Variants in ADAMTSL1 observed in about 807,000 individuals in gnomAD.
ADAMTSL1 encodes the protein ADAMTS-like protein 1.
ADAMTSL1 carries 126 observed loss-of-function variants against 201.8 expected under a neutral mutation model. The observed-to-expected ratio is 0.62, with a 90% CI of 0.54 to 0.72. ADAMTSL1 has a LOEUF of 0.72. Ranked by LOEUF, ADAMTSL1 falls within the 30% of genes least tolerant of loss-of-function variation. ADAMTSL1 has a pLI of 0.00. For synonymous variants in ADAMTSL1, 1,121 were observed against 903.4 expected (o/e 1.24, Z -4.32); for missense variants, 2,679 against 2,277.8 (o/e 1.18, Z -3.59).
intron 2 of ADAMTSL1, among the ~76,000 whole-genome samples, chr9:18,209,234 A>T (rs1829773264): frequency 6.7e-6 from 1 of 150,218 alleles, no homozygotes. Context: ...AAAAATGCAC[A>T]TAAAAATTAC....
chr9:18,459,705 C>T (rs531327408), intron 2 of ADAMTSL1, among the ~76,000 whole-genome samples: 1 of 152,244 alleles, frequency 6.6e-6, no homozygotes, highest in East Asian at 1.9e-4. Context: ...AAATCTCCAG[C>T]AGAACTAAGG....
At chr9:17,964,734 C>T (rs1817910205) in intron 1 of ADAMTSL1, among the ~76,000 whole-genome samples, 1 of 152,132 alleles carries the variant, frequency 6.6e-6, no homozygotes, top group Admixed American at 6.6e-5. Flanking sequence ...TGGGATTTCT[C>T]TGTGTTGCTT....
chr9:17,928,970 A>G (rs774337502), intron 1 of ADAMTSL1, among the ~76,000 whole-genome samples: 1 of 151,936 alleles, frequency 6.6e-6, no homozygotes, highest in Non-Finnish European at 1.5e-5. Flanking sequence ...TATGGACAAA[A>G]CAGTTATGTA....
chr9:18,634,219 A>G (rs1826956615), intron 5 of ADAMTSL1, among the ~76,000 whole-genome samples: 1 of 152,156 alleles, frequency 6.6e-6, no homozygotes, highest in Admixed American at 6.5e-5. Context: ...TATCTTATTT[A>G]ACCTAAATCC....
chr9:18,261,755 C>G (rs745437511), intron 2 of ADAMTSL1, among the ~76,000 whole-genome samples: 1 of 152,154 alleles, frequency 6.6e-6, no homozygotes, highest in Admixed American at 6.5e-5. Flanking sequence ...CTTGTATTTA[C>G]TAAAAGCAAG....
chr9:17,950,154 G>A (rs1827677979), intron 1 of ADAMTSL1, among the ~76,000 whole-genome samples: 1 of 152,056 alleles, frequency 6.6e-6, no homozygotes, highest in Non-Finnish European at 1.5e-5. Flanking sequence ...TGATCTGCCT[G>A]CCTCGGCCTC....
chr9:18,814,265 G>A (rs1823695974), intron 20 of ADAMTSL1, among the ~76,000 whole-genome samples: 1 of 152,144 alleles, frequency 6.6e-6, no homozygotes, highest in Admixed American at 6.5e-5. Context: ...TCTTTTTAAT[G>A]TGCTGTTGAA....
At chr9:17,942,130 A>C (rs904165803) in intron 1 of ADAMTSL1, among the ~76,000 whole-genome samples, 6 of 152,130 alleles carry the variant, frequency 3.9e-5, no homozygotes, top group Non-Finnish European at 8.8e-5. Flanking sequence ...CAGAAAGTAG[A>C]ATAGAAGTTA....
intron 1 of ADAMTSL1, among the ~76,000 whole-genome samples, chr9:17,932,861 C>G (rs1826853532): frequency 6.6e-6 from 1 of 152,106 alleles, no homozygotes; most frequent in Non-Finnish European, 1.5e-5. Flanking sequence ...CTAGATAGCT[C>G]CTCTTCTATC....
intron 2 of ADAMTSL1, among the ~76,000 whole-genome samples, chr9:18,230,971 A>G (rs1314446552): frequency 1.3e-5 from 2 of 152,138 alleles, no homozygotes; most frequent in Admixed American, 6.6e-5. Context: ...AGAGGACACC[A>G]TTTATCAATT....
At chr9:18,676,687 A>G (rs1434697051) in intron 10 of ADAMTSL1, among the ~76,000 whole-genome samples, 2 of 152,008 alleles carry the variant, frequency 1.3e-5, no homozygotes, top group Non-Finnish European at 2.9e-5. Context: ...CCTATGCTCT[A>G]TTTTCTTTGC....
At chr9:18,353,489 C>T (rs1472745632) in intron 2 of ADAMTSL1, among the ~76,000 whole-genome samples, 1 of 152,098 alleles carries the variant, frequency 6.6e-6, no homozygotes, top group Admixed American at 6.6e-5. Flanking sequence ...TTGGCATAAT[C>T]CATGAAAGCA....
At chr9:18,099,503 G>GT (rs1158573671) in intron 1 of ADAMTSL1, among the ~76,000 whole-genome samples, 3 of 148,682 alleles carry the variant, frequency 2.0e-5, no homozygotes, top group Non-Finnish European at 4.5e-5. Flanking sequence ...CAAATATAGT[G>GT]TTTTTTCTGT....
At chr9:18,095,010 C>T (rs1339930390) in intron 1 of ADAMTSL1, among the ~76,000 whole-genome samples, 1 of 152,200 alleles carries the variant, frequency 6.6e-6, no homozygotes, top group Non-Finnish European at 1.5e-5. Flanking sequence ...TGCCTTCTTC[C>T]TTCCTGTCCC....
chr9:18,328,048 T>C (rs1275258482), intron 2 of ADAMTSL1, among the ~76,000 whole-genome samples: 1 of 152,196 alleles, frequency 6.6e-6, no homozygotes, highest in Non-Finnish European at 1.5e-5. Context: ...AAGATTCAAA[T>C]AATGTTGTAG....
At chr9:18,261,279 T>G (rs942953879) in intron 2 of ADAMTSL1, among the ~76,000 whole-genome samples, 4 of 152,184 alleles carry the variant, frequency 2.6e-5, no homozygotes, top group Non-Finnish European at 4.4e-5. Context: ...TGCTTCATTT[T>G]GCTTGACACA....
intron 15 of ADAMTSL1, among the ~76,000 whole-genome samples, chr9:18,751,795 A>T (rs986466740): frequency 6.6e-6 from 1 of 152,246 alleles, no homozygotes; most frequent in African/African-American, 2.4e-5. Flanking sequence ...AGACATTTTG[A>T]AGGGCAAGGA....
At chr9:17,958,696 A>ACCAAAC (rs1053470311) in intron 1 of ADAMTSL1, among the ~76,000 whole-genome samples, 4 of 152,168 alleles carry the variant, frequency 2.6e-5, no homozygotes, top group African/African-American at 7.2e-5. Context: ...GTGTATTAAA[A>ACCAAAC]CCAAACCCAA....
intron 1 of ADAMTSL1, among the ~76,000 whole-genome samples, chr9:17,926,593 A>G (rs1212171734): frequency 1.3e-5 from 2 of 152,228 alleles, no homozygotes; most frequent in Non-Finnish European, 2.9e-5. Context: ...TTGTAGAACT[A>G]ATAGATTCAC....
Sources: allele counts gnomAD v4.1 joint callset (sites outside exome capture counted in the v4.1 genomes callset), GRCh38; gene constraint gnomAD v4.1.1; transcripts MANE v1.5; gene names NCBI Gene and HGNC (gene_info 2026-07-23, HGNC 2026-07-21).